Variants in VWF observed in about 807,000 individuals in gnomAD.
VWF encodes the protein Factor VIII related antigen.
Under a neutral mutation model 308.6 loss-of-function variants are expected in VWF, and 176 were observed. The observed-to-expected ratio is 0.57, with a 90% CI of 0.50 to 0.65. The LOEUF is 0.65. VWF is among the 30% of genes least tolerant of loss of function. The pLI is 0.00. For missense variants in VWF, 3,146 were observed against 3,648.2 expected (o/e 0.86, Z 3.55); for synonymous variants, 1,385 against 1,443.4 (o/e 0.96, Z 0.92).
intron 13 of VWF, among the ~76,000 whole-genome samples, chr12:6,062,261 C>T (rs908753898): frequency 4.6e-5 from 7 of 151,990 alleles, no homozygotes; most frequent in Non-Finnish European, 8.8e-5. Context: ...TGCCATGACA[C>T]GGTTGGTGGG....
intron 43 of VWF, among the ~76,000 whole-genome samples, chr12:5,974,815 C>T (rs959854270): frequency 3.9e-5 from 6 of 152,288 alleles, no homozygotes; most frequent in Non-Finnish European, 5.9e-5. Flanking sequence ...CCACGGTGCC[C>T]ACCTACAAAT....
intron 44 of VWF, among the ~76,000 whole-genome samples, chr12:5,969,961 T>C (rs964672402): frequency 6.6e-6 from 1 of 152,078 alleles, no homozygotes; most frequent in Non-Finnish European, 1.5e-5. Context: ...CCCCAGAAAA[T>C]GTCACTCCGA....
At chr12:6,025,486 G>A in intron 24 of VWF, 94 bp downstream of exon 24, 1 of 993,752 alleles carries the variant, frequency 1.0e-6, no homozygotes, top group South Asian at 1.4e-5. Context: ...CAAGACACGA[G>A]GGTAGTGTCC....
At chr12:6,123,121 T>A in intron 2 of VWF, 21 bp downstream of exon 2, 1 of 1,613,958 alleles carries the variant, frequency 6.2e-7, no homozygotes, top group Non-Finnish European at 8.5e-7. Context: ...GAATGAGAAA[T>A]GGAGGCCCTT....
At chr12:5,949,254 G>C in intron 51 of VWF, 51 bp from the exon 52 acceptor site, 1 of 1,587,478 alleles carries the variant, frequency 6.3e-7, no homozygotes, top group Non-Finnish European at 8.6e-7. Context: ...GGAAGTCCTG[G>C]CTTAGGCAGG....
At position 5,964,405 on chromosome 12, in the gene VWF, C is replaced by T. The variant is rs543213779; in HGVS notation, c.7887+3081G>A. On this transcript the variant is annotated intron_variant, in intron 47 of 51. Coordinates refer to ENST00000261405, the MANE Select transcript of VWF (RefSeq NM_000552.5). The stretch of plus-strand genomic sequence containing the variant: ...TAGTTCTTTTGACCCTTTCCACCTT[C>T]GTACCCCCAAAAAACAGAAAGAACG... Among the ~76,000 whole-genome samples, 12 of 152,310 alleles carry T rather than the reference C, an allele frequency of 7.9e-5. No homozygotes were observed. In the South Asian group the frequency reaches 1.9e-3, roughly 24 times the overall value.
At chr12:5,977,466 A>G (rs1591839341) in intron 42 of VWF, among the ~76,000 whole-genome samples, 1 of 152,262 alleles carries the variant, frequency 6.6e-6, no homozygotes, top group East Asian at 1.9e-4. Flanking sequence ...TTGTTAAATG[A>G]GAAAGAACAA....
rs748509169 is a variant in VWF at position 6,024,476 on chromosome 12, C to G, written c.3223-689G>C. On this transcript the variant is annotated intron_variant, in intron 24 of 51. Transcript: ENST00000261405. The surrounding 1 kb of genome is among the most constrained non-coding windows in gnomAD (Gnocchi z 4.0). ...CTCCCCTGTCCTCACTCTTCCAACTCAGATGCCCAGGATTTCCACCAAACC... is the reference window on the plus strand; with the variant it reads ...CTCCCCTGTCCTCACTCTTCCAACTGAGATGCCCAGGATTTCCACCAAACC... 5.9e-5 allele frequency among the ~76,000 whole-genome samples: 9 copies of G among 152,380 alleles called. No homozygotes were observed. The highest frequency in any genetic ancestry group is 1.3e-4 in the Non-Finnish European group (9 of 68,038).
intron 47 of VWF, 137 bp from the exon 48 acceptor site, chr12:5,953,731 C>A (rs1591828926): frequency 1.4e-6 from 1 of 723,160 alleles, no homozygotes; most frequent in Admixed American, 2.0e-5. Context: ...ACATCCAACT[C>A]CAACCAGCTT....
At chr12:6,102,276 T>C (rs11829972) in intron 5 of VWF, among the ~76,000 whole-genome samples, 32,981 of 151,720 alleles carry the variant, frequency 0.22, 9,551 homozygotes, top group African/African-American at 0.67. Context: ...ACCCTGTCTC[T>C]AATAAACATA....
intron 5 of VWF, among the ~76,000 whole-genome samples, chr12:6,101,539 G>A (rs1259131789): frequency 1.3e-5 from 2 of 150,162 alleles, no homozygotes; most frequent in Non-Finnish European, 3.0e-5. Flanking sequence ...CATTTTGGGA[G>A]GCCGAGGAGG....
intron 42 of VWF, among the ~76,000 whole-genome samples, chr12:5,978,169 A>T (rs1354435011): frequency 1.3e-5 from 2 of 150,512 alleles, no homozygotes; most frequent in African/African-American, 2.4e-5. Context: ...TAATTATAAT[A>T]GTTATTTCAA....
At chr12:6,057,120 G>C in intron 14 of VWF, 48 bp from the exon 15 acceptor site, 1 of 1,472,844 alleles carries the variant, frequency 6.8e-7, no homozygotes, top group Non-Finnish European at 9.1e-7. Context: ...GAGGAGTGGG[G>C]GCCACGCCCT....
chr12:5,957,041 AT>A (rs1163634160), intron 47 of VWF, among the ~76,000 whole-genome samples: 2 of 151,990 alleles, frequency 1.3e-5, no homozygotes, highest in African/African-American at 2.4e-5. Flanking sequence ...TCCTTTATAT[AT>A]TTTTTACTGT....
In VWF at chr12:6,057,090, CG is replaced by C; in HGVS notation, c.1730-19del. ...GAACCTGGCTGTGGGGCGAGAGGAG[CG>C]AGCCTGGGATGTGGTGGGGAGGAGT... On this transcript the variant is annotated intron_variant, in intron 14 of 51. Transcript: ENST00000261405. The C allele has an allele frequency of 6.5e-7, 1 of 1,528,206 alleles. No homozygotes were observed. The highest frequency in any genetic ancestry group is 8.7e-7 in the Non-Finnish European group (1 of 1,143,014). The allele number at this position is 1,528,206 out of a possible 1,614,324, so 94.7% of individuals were successfully genotyped here.
At chr12:5,979,998 G>A (rs1488106787) in intron 42 of VWF, among the ~76,000 whole-genome samples, 3 of 144,966 alleles carry the variant, frequency 2.1e-5, no homozygotes, top group Admixed American at 7.0e-5. Flanking sequence ...CCGAGACTGC[G>A]CCACTGCACT....
intron 2 of VWF, chr12:6,122,937 C>T: frequency 1.3e-6 from 1 of 755,194 alleles, no homozygotes; most frequent in Non-Finnish European, 2.4e-6. Context: ...AATTCCCCAA[C>T]AGGAGATGGC....
chr12:6,117,205 G>A (rs539041804), intron 3 of VWF, among the ~76,000 whole-genome samples: 12 of 152,324 alleles, frequency 7.9e-5, no homozygotes, highest in Admixed American at 6.5e-4. Context: ...CACTTCACAA[G>A]GGCAAACAGC....
chr12:5,969,254 C>G lies in VWF; in HGVS notation c.7686G>C (p.Gln2562His). 5 of 1,614,154 alleles carry G rather than the reference C, an allele frequency of 3.1e-6. No individual in the cohort carries two copies. The South Asian group carries it at 5.5e-5, about 18-fold the overall frequency. ...LEVPVCPSGF[Q>H]LSCKTSACCP... ...AGCACGCTGAGGTCTTACAGCTCAGCTGAAAGCCCGAGGGGCAGACAGGGA... is the reference window on the plus strand; with the variant it reads ...AGCACGCTGAGGTCTTACAGCTCAGGTGAAAGCCCGAGGGGCAGACAGGGA... The change falls in exon 45 of 52, where the codon CAG becomes CAC. Residue 2562 changes from glutamine to histidine, a missense_variant. By Grantham distance (24) the Gln-to-His change is conservative (BLOSUM62 0). Coordinates refer to ENST00000261405, the MANE Select transcript of VWF (RefSeq NM_000552.5).
Sources: gnomAD v4.1 joint callset for allele counts (sites outside exome capture counted in the v4.1 genomes callset) on GRCh38, gnomAD v4.1.1 for gene constraint, Gnocchi (gnomAD v3.1) non-coding constraint, MANE v1.5 for transcripts, NCBI Gene and HGNC (gene_info 2026-07-23, HGNC 2026-07-21) for gene names.